Variants in EVI5 observed in about 807,000 individuals in gnomAD.
EVI5 encodes the protein ecotropic viral integration site 5 protein homolog.
Under a neutral mutation model 112.0 loss-of-function variants are expected in EVI5, and 73 were observed. The ratio of observed to expected loss-of-function variants is 0.65; its 90% CI spans 0.54 to 0.79. The LOEUF is 0.79. Ranked by LOEUF, EVI5 falls within the 30% of genes least tolerant of loss-of-function variation. The pLI is 0.00. For synonymous variants in EVI5, 305 were observed against 319.9 expected (o/e 0.95, Z 0.50); for missense variants, 900 against 968.8 (o/e 0.93, Z 0.94).
At chr1:92,683,984 T>C (rs1479033748) in intron 9 of EVI5, among the ~76,000 whole-genome samples, 2 of 152,198 alleles carry the variant, frequency 1.3e-5, no homozygotes, top group African/African-American at 4.8e-5. Context: ...CTCTTCACGA[T>C]ATTATCCAAA....
At chr1:92,635,407 G>A (rs540134305) in intron 14 of EVI5, among the ~76,000 whole-genome samples, 65 of 152,274 alleles carry the variant, frequency 4.3e-4, no homozygotes, top group African/African-American at 1.6e-3. Flanking sequence ...CCTCGCTGCC[G>A]CCTTGCAGTT....
chr1:92,565,838 T>C (rs951301663), intron 18 of EVI5, among the ~76,000 whole-genome samples: 2 of 148,634 alleles, frequency 1.3e-5, no homozygotes. Flanking sequence ...GGTGTGGTAG[T>C]GTGTGCCTGT....
At chr1:92,551,392 A>C (rs1445475137) in intron 19 of EVI5, among the ~76,000 whole-genome samples, 1 of 152,144 alleles carries the variant, frequency 6.6e-6, no homozygotes, top group Non-Finnish European at 1.5e-5. Context: ...TACTGACATG[A>C]TAATGGAAGA....
intron 16 of EVI5, chr1:92,622,297 G>A (rs373448928): frequency 3.3e-4 from 147 of 445,692 alleles, no homozygotes; most frequent in Non-Finnish European, 5.3e-4. Context: ...TTGGTTTTAC[G>A]CATTAAAAAA....
intron 2 of EVI5, among the ~76,000 whole-genome samples, chr1:92,710,766 C>T (rs1672729323): frequency 6.6e-6 from 1 of 150,948 alleles, no homozygotes; most frequent in South Asian, 2.1e-4. Flanking sequence ...GGGGGGGGTG[C>T]CAATATACCA....
chr1:92,775,973 TG>T (rs1320376346), intron 1 of EVI5, among the ~76,000 whole-genome samples: 3 of 151,844 alleles, frequency 2.0e-5, no homozygotes, highest in African/African-American at 7.3e-5. Flanking sequence ...CCAGGCGTGG[TG>T]GTGGGCGCCT....
intron 13 of EVI5, 84 bp downstream of exon 13, chr1:92,662,635 G>T: frequency 1.1e-6 from 1 of 887,470 alleles, no homozygotes; most frequent in Non-Finnish European, 1.4e-6. Context: ...TAAAACAACA[G>T]CACAAAATCT....
intron 19 of EVI5, among the ~76,000 whole-genome samples, chr1:92,557,506 C>T (rs917236213): frequency 4.6e-5 from 7 of 151,786 alleles, no homozygotes; most frequent in Non-Finnish European, 8.8e-5. Context: ...GCCATGTTGG[C>T]CAGGCTAGTC....
chr1:92,518,139 C>G (rs1660265754), intron 19 of EVI5, among the ~76,000 whole-genome samples: 1 of 152,118 alleles, frequency 6.6e-6, no homozygotes, highest in Non-Finnish European at 1.5e-5. Context: ...CTCAAGCCAT[C>G]TGCCTGCCTT....
chr1:92,531,135 A>G (rs1198013149), intron 19 of EVI5, among the ~76,000 whole-genome samples: 4 of 152,074 alleles, frequency 2.6e-5, no homozygotes, highest in Non-Finnish European at 5.9e-5. Context: ...GAATTTCATG[A>G]AGCATACACA....
intron 1 of EVI5, among the ~76,000 whole-genome samples, chr1:92,760,329 G>T (rs1445684718): frequency 6.6e-6 from 1 of 152,138 alleles, no homozygotes; most frequent in African/African-American, 2.4e-5. Context: ...AGCTGACCTG[G>T]AGCCTAAAAG....
intron 18 of EVI5, among the ~76,000 whole-genome samples, chr1:92,585,222 C>CAA (rs60701144): frequency 0.29 from 42,121 of 145,166 alleles, 7,025 homozygotes; most frequent in African/African-American, 0.43. Context: ...GACTCCATCT[C>CAA]AAAAAAAAAA....
chr1:92,774,031 C>CAA (rs11286636), intron 1 of EVI5: 2 of 131,770 alleles, frequency 1.5e-5, no homozygotes, highest in African/African-American at 2.9e-5. Flanking sequence ...ACCCTGTCTC[C>CAA]AAAAAAAAAA....
intron 15 of EVI5, 157 bp downstream of exon 15, chr1:92,625,637 A>G: frequency 3.5e-6 from 2 of 568,672 alleles, no homozygotes; most frequent in Non-Finnish European, 6.3e-6. Context: ...GCTTAAGTGC[A>G]CTTTCAGTTT....
chr1:92,540,023 T>G (rs994510044), intron 19 of EVI5, among the ~76,000 whole-genome samples: 1 of 152,326 alleles, frequency 6.6e-6, no homozygotes, highest in Admixed American at 6.5e-5. Context: ...GTGTCAGCAC[T>G]TGATTCCTTT....
chr1:92,647,410 T>C (rs1328674721), intron 13 of EVI5: 2 of 289,320 alleles, frequency 6.9e-6, no homozygotes, highest in Non-Finnish European at 1.4e-5. Flanking sequence ...CTTAACTGGT[T>C]CACAATCCTG....
intron 19 of EVI5, among the ~76,000 whole-genome samples, chr1:92,520,112 A>C (rs1660650795): frequency 6.6e-6 from 1 of 152,162 alleles, no homozygotes; most frequent in South Asian, 2.1e-4. Context: ...TTGTGCATAT[A>C]GTTGCAAAAC....
At chr1:92,569,958 A>C (rs1280449068) in intron 18 of EVI5, among the ~76,000 whole-genome samples, 1 of 152,012 alleles carries the variant, frequency 6.6e-6, no homozygotes, top group Non-Finnish European at 1.5e-5. Context: ...AGTCTGTTTC[A>C]TAACTATCTC....
At chr1:92,623,054 A>G (rs1654922234) in intron 16 of EVI5, among the ~76,000 whole-genome samples, 1 of 134,872 alleles carries the variant, frequency 7.4e-6, no homozygotes, top group Non-Finnish European at 1.6e-5. Flanking sequence ...TGTGAAATAA[A>G]TCCTCAACAA....
Sources: allele counts gnomAD v4.1 joint callset (sites outside exome capture counted in the v4.1 genomes callset), GRCh38; gene constraint gnomAD v4.1.1; transcripts MANE v1.5; gene names NCBI Gene and HGNC (gene_info 2026-07-23, HGNC 2026-07-21).